Variants in UNC13A observed in about 807,000 individuals in gnomAD.
UNC13A encodes the protein unc-13 homolog A, also known as protein unc-13 homolog A.
A neutral mutation model predicts 219.7 loss-of-function variants in UNC13A; 61 were observed. The ratio of observed to expected loss-of-function variants is 0.28; its 90% CI spans 0.23 to 0.34. The LOEUF is 0.34. Ranked by LOEUF, UNC13A falls within the 10% of genes least tolerant of loss-of-function variation. UNC13A has a pLI of 1.00. For missense variants in UNC13A, 1,476 were observed against 2,270.3 expected, an observed-to-expected ratio of 0.65 and a Z score of 7.11; for synonymous variants, 920 against 884.6, an observed-to-expected ratio of 1.04 and a Z score of -0.71.
chr19:17,623,722 G>A (rs192911087), intron 35 of UNC13A, among the ~76,000 whole-genome samples, 175 bp from the exon 36 acceptor site: 201 of 152,034 alleles, frequency 1.3e-3, no homozygotes, highest in Non-Finnish European at 2.1e-3. Flanking sequence ...GACCATCGTC[G>A]CCCATCTATG....
chr19:17,673,079 C>T (rs948233489), intron 3 of UNC13A, among the ~76,000 whole-genome samples: 3 of 152,134 alleles, frequency 2.0e-5, no homozygotes, highest in African/African-American at 7.2e-5. Context: ...AAAATATGGC[C>T]AACCACGGTG....
At chr19:17,631,727 A>G (rs1451140728) in intron 28 of UNC13A, among the ~76,000 whole-genome samples, 1 of 151,722 alleles carries the variant, frequency 6.6e-6, no homozygotes, top group Non-Finnish European at 1.5e-5. Context: ...GCATTTATTC[A>G]CTCATTCATT....
At chr19:17,621,686 T>C (rs1446128159) in intron 37 of UNC13A, 146 bp downstream of exon 37, 1 of 734,280 alleles carries the variant, frequency 1.4e-6, no homozygotes, top group Non-Finnish European at 2.4e-6. Context: ...CTCTGACTTC[T>C]GGTTTTGCAG....
At chr19:17,669,366 A>T (rs1241738302) in intron 5 of UNC13A, among the ~76,000 whole-genome samples, 187 bp downstream of exon 5, 2 of 151,944 alleles carry the variant, frequency 1.3e-5, no homozygotes, top group African/African-American at 4.8e-5. Context: ...CATGGCCCGC[A>T]CCCAGCAGGT....
chr19:17,640,739 G>C (rs529504222), intron 21 of UNC13A, 78 bp from the exon 22 acceptor site: 2 of 1,429,510 alleles, frequency 1.4e-6, no homozygotes, highest in African/African-American at 2.9e-5. Context: ...ATGCCTCCAA[G>C]ATAGCATCTG....
intron 38 of UNC13A, among the ~76,000 whole-genome samples, chr19:17,619,528 T>C (rs1009684394): frequency 1.3e-5 from 2 of 151,514 alleles, no homozygotes; most frequent in Non-Finnish European, 2.9e-5. Context: ...CTCAAACTCC[T>C]GGGCTCAAGC....
chr19:17,678,374 G>T (rs2079941164), intron 1 of UNC13A, among the ~76,000 whole-genome samples: 1 of 152,110 alleles, frequency 6.6e-6, no homozygotes, highest in African/African-American at 2.4e-5. Context: ...AGCTACTCGG[G>T]AGGCTGAGGC....
At chr19:17,624,122 C>CTTTTTTTTTTTTTTTTTTTTTT (rs762349924) in intron 35 of UNC13A, among the ~76,000 whole-genome samples, 1 of 136,462 alleles carries the variant, frequency 7.3e-6, no homozygotes, top group Non-Finnish European at 1.6e-5. Flanking sequence ...TATGCCTTCT[C>CTTTTTTTTTTTTTTTTTTTTTT]TTTTTTTTTT....
At chr19:17,641,371 G>C in intron 21 of UNC13A, 22 bp downstream of exon 21, 4 of 1,608,658 alleles carry the variant, frequency 2.5e-6, no homozygotes, top group Non-Finnish European at 3.4e-6. Context: ...CTTGTTTCCT[G>C]CACCCCAGCC....
intron 28 of UNC13A, among the ~76,000 whole-genome samples, chr19:17,632,467 C>T (rs2076866750): frequency 6.6e-6 from 1 of 152,230 alleles, no homozygotes; most frequent in African/African-American, 2.4e-5. Context: ...TGCCACCATG[C>T]CTGGCCATTT....
Position 17,669,555 on chromosome 19 carries a change from A to G in UNC13A, c.392T>C (p.Leu131Ser), listed in dbSNP as rs749499123. The G allele has an allele frequency of 1.2e-6, 2 of 1,613,520 alleles. No homozygotes were observed. Among genetic ancestry groups the G allele is most frequent in the Non-Finnish European group, 1.7e-6 (2 of 1,179,620 alleles). Residue 131 changes from leucine to serine, a missense_variant and splice_region_variant, in exon 5 of 44, where the codon TTA becomes TCA. By Grantham distance (145) the Leu-to-Ser change is moderately radical (BLOSUM62 -2). Transcript: ENST00000519716. ...AGGTCCCGGGCCCCTGTACTCACCT[A>G]AGGGTAGCTCAAAGCGCGTGTCCAG... ...ILLDTRFELP[L>S]DIPEEEARYW...
Position 17,606,053 on chromosome 19 carries a change from GCTAAGGCGCA to G in UNC13A, c.5103_5112del (p.Pro1703GlyfsTer46). ...CAGTGCCGCTCGGCCGACCGCCCGC[GCTAAGGCGCA>G]GGCGCGGCACCGCCCTCCTCGGCGG... On this transcript the variant is annotated frameshift_variant and stop_lost, in exon 44 of 44. Coordinates refer to ENST00000519716, the MANE Select transcript of UNC13A (RefSeq NM_001080421.3). LOFTEE classifies it high-confidence loss of function. The G allele has an allele frequency of 1.3e-6, 2 of 1,540,920 alleles. No homozygotes were observed. Among genetic ancestry groups the G allele is most frequent in the Non-Finnish European group, 1.7e-6 (2 of 1,149,512 alleles).
rs2144899028 is a variant in UNC13A, at chr19:17,606,131, C to G, written c.5035G>C (p.Glu1679Gln). 1 of 1,594,026 alleles carries G rather than the reference C, an allele frequency of 6.3e-7. No homozygotes were observed. Among genetic ancestry groups the G allele is most frequent in the Non-Finnish European group, 8.5e-7 (1 of 1,172,072 alleles). ...LRILSQRSND[E>Q]VAKEFVKLKS... is the part of the protein sequence containing the mutation. ...AGCTTCACGAACTCCTTGGCCACCT[C>G]GTCGTTGCTGCGCTGCGAGAGGATT... The change falls in exon 44 of 44, where the codon GAG (glutamate) becomes CAG (glutamine). Residue 1679 changes from glutamate to glutamine, a missense_variant. This residue lies in a region of UNC13A where 187 missense variants were observed against 172.3 expected (regional missense o/e 1.09). Transcript: ENST00000519716.
intron 35 of UNC13A, among the ~76,000 whole-genome samples, chr19:17,624,155 C>T (rs1018393107): frequency 3.4e-4 from 49 of 146,104 alleles, no homozygotes; most frequent in Admixed American, 6.9e-5. Context: ...GAAAGGGTCT[C>T]GTTCTGTTGC....
intron 1 of UNC13A, among the ~76,000 whole-genome samples, chr19:17,681,812 C>G (rs1177140747): frequency 6.6e-6 from 1 of 152,178 alleles, no homozygotes; most frequent in Non-Finnish European, 1.5e-5. Flanking sequence ...GAACTAGGCT[C>G]CCTCCTGGAG....
intron 4 of UNC13A, among the ~76,000 whole-genome samples, chr19:17,671,232 G>C (rs956706591): frequency 4.6e-5 from 7 of 152,080 alleles, no homozygotes; most frequent in Admixed American, 4.6e-4. Flanking sequence ...ATGGAAAGGA[G>C]GACACTTGAA....
At chr19:17,645,546 C>A in intron 19 of UNC13A, 128 bp downstream of exon 19, 1 of 1,350,226 alleles carries the variant, frequency 7.4e-7, no homozygotes, top group Non-Finnish European at 1.0e-6. Context: ...ACCCTGCCTC[C>A]CCCATCAGAT....
intron 2 of UNC13A, 62 bp downstream of exon 2, chr19:17,675,950 T>C: frequency 6.5e-7 from 1 of 1,542,366 alleles, no homozygotes; most frequent in Non-Finnish European, 8.8e-7. Context: ...CCTCCCAGTC[T>C]CTCCAAGAGA....
At chr19:17,650,629 C>A (rs769870176) in intron 12 of UNC13A, among the ~76,000 whole-genome samples, 1 of 152,114 alleles carries the variant, frequency 6.6e-6, no homozygotes, top group Non-Finnish European at 1.5e-5. Flanking sequence ...AGGTGCCCAC[C>A]ACAACGCCTG....
Sources: gnomAD v4.1 joint callset for allele counts (sites outside exome capture counted in the v4.1 genomes callset) on GRCh38, gnomAD v4.1.1 for gene constraint, gnomAD v4.1.1 regional missense constraint, MANE v1.5 for transcripts, NCBI Gene and HGNC (gene_info 2026-07-23, HGNC 2026-07-21) for gene names.